Variants in VDAC1 observed in about 807,000 individuals in gnomAD.
The protein encoded by VDAC1 is non-selective voltage-gated ion channel VDAC1.
VDAC1 carries 10 observed loss-of-function variants against 34.7 expected under a neutral mutation model. The ratio of observed to expected loss-of-function variants is 0.29; its 90% confidence interval spans 0.18 to 0.49. The LOEUF is 0.49. Ranked by LOEUF, VDAC1 falls within the 20% of genes least tolerant of loss-of-function variation. The probability of loss-of-function intolerance (pLI) is 0.99; values close to 1 mark genes in which losing one functional copy is unlikely to be tolerated. For synonymous variants in VDAC1, 130 were observed against 136.0 expected (o/e 0.96, Z 0.30); for missense variants, 230 against 347.9 (o/e 0.66, Z 2.69).
chr5:133,976,096 T>C, intron 6 of VDAC1, 75 bp from the exon 7 acceptor site: 1 of 1,583,212 alleles, frequency 6.3e-7, no homozygotes, highest in South Asian at 1.1e-5. Flanking sequence ...CACCCAAGTC[T>C]CCCAGAAGAC....
the VDAC1 span, among the ~76,000 whole-genome samples, chr5:134,010,983 G>A: frequency 1.9e-5 from 2 of 105,652 alleles, no homozygotes; most frequent in African/African-American, 3.5e-5. Context: ...TTTTTTTTTT[G>A]TAGGGGCACT....
At chr5:134,000,174 A>T (rs1054932824) in intron 1 of VDAC1, among the ~76,000 whole-genome samples, 2 of 152,122 alleles carry the variant, frequency 1.3e-5, no homozygotes, top group Non-Finnish European at 2.9e-5. Context: ...AACCCAGGGG[A>T]ACAGTTCCTG....
At chr5:133,973,456 T>G (rs1752373611) in intron 8 of VDAC1, among the ~76,000 whole-genome samples, 1 of 152,208 alleles carries the variant, frequency 6.6e-6, no homozygotes, top group Non-Finnish European at 1.5e-5. Flanking sequence ...TCTTTGTCTT[T>G]TTACAGTGGG....
At chr5:134,013,296 A>G in the VDAC1 span, among the ~76,000 whole-genome samples, 1 of 152,196 alleles carries the variant, frequency 6.6e-6, no homozygotes, top group Non-Finnish European at 1.5e-5. Context: ...TTAGCCTGGC[A>G]TGGTGGTGCA....
chr5:134,039,398 G>A, the VDAC1 span, among the ~76,000 whole-genome samples: 14 of 152,026 alleles, frequency 9.2e-5, no homozygotes, highest in African/African-American at 4.8e-5. Flanking sequence ...GCGCAATCTC[G>A]GCTCACTGTA....
At chr5:133,995,769 T>A (rs1753277303) in intron 1 of VDAC1, among the ~76,000 whole-genome samples, 1 of 152,182 alleles carries the variant, frequency 6.6e-6, no homozygotes, top group African/African-American at 2.4e-5. Flanking sequence ...TACACAGCTC[T>A]CGAACCCATT....
chr5:133,991,002 C>G lies in VDAC1; in HGVS notation c.270G>C (p.Gln90His). 6.2e-7 allele frequency: 1 copy of G among 1,614,094 alleles called. No homozygotes were observed. Among genetic ancestry groups the G allele is most frequent in the Non-Finnish European group, 8.5e-7 (1 of 1,179,978 alleles). ...TLGTEITVED[Q>H]LARGLKLTFD... ...CACATCTTTTCACAGCAGCCATTACCTGATCTTCCACAGTAATCTCGGTGC... is the reference window on the plus strand; with the variant it reads ...CACATCTTTTCACAGCAGCCATTACGTGATCTTCCACAGTAATCTCGGTGC... Residue 90 changes from glutamine to histidine, a missense_variant and splice_region_variant, in exon 4 of 9, where the codon CAG becomes CAC. Gln to His is a conservative substitution (Grantham distance 24, BLOSUM62 0). Transcript: ENST00000265333.
chr5:134,098,355 G>T, the VDAC1 span, among the ~76,000 whole-genome samples: 2 of 145,266 alleles, frequency 1.4e-5, no homozygotes, highest in African/African-American at 5.6e-5. Context: ...CCACCACCAT[G>T]CTGGGATTAC....
the VDAC1 span, among the ~76,000 whole-genome samples, chr5:134,083,250 A>G: frequency 0.75 from 111,313 of 147,856 alleles, 42,966 homozygotes; most frequent in Non-Finnish European, 0.87. Flanking sequence ...GTGCAGTGGC[A>G]CAATCTCAGC....
chr5:134,036,394 C>T, the VDAC1 span, among the ~76,000 whole-genome samples: 2 of 152,136 alleles, frequency 1.3e-5, no homozygotes, highest in Non-Finnish European at 2.9e-5. Flanking sequence ...CAAAATATAA[C>T]TGGCCAACAC....
chr5:134,034,151 T>G, the VDAC1 span, among the ~76,000 whole-genome samples: 1 of 150,518 alleles, frequency 6.6e-6, no homozygotes, highest in African/African-American at 2.5e-5. Flanking sequence ...GCACATGTTC[T>G]CAGGATCTCC....
chr5:133,987,273 A>C (rs1752939911), intron 5 of VDAC1, among the ~76,000 whole-genome samples: 1 of 152,102 alleles, frequency 6.6e-6, no homozygotes, highest in Admixed American at 6.6e-5. Flanking sequence ...AGGAGGGAGG[A>C]TCCCTTGAGC....
At chr5:133,984,594 T>C (rs1752838668) in intron 5 of VDAC1, among the ~76,000 whole-genome samples, 2 of 152,170 alleles carry the variant, frequency 1.3e-5, no homozygotes, top group Non-Finnish European at 2.9e-5. Context: ...AAGAATAGCC[T>C]AATACAGCCA....
rs1271299209 is a variant in VDAC1 at position 134,000,530 on chromosome 5, T to G, written c.-7+4365A>C. 2.6e-5 allele frequency among the ~76,000 whole-genome samples: 4 copies of G among 152,268 alleles called. No homozygotes were observed. In the East Asian group the frequency reaches 7.7e-4, roughly 29 times the overall value. On this transcript the variant is annotated intron_variant, in intron 1 of 8. Coordinates refer to ENST00000265333, the MANE Select transcript of VDAC1 (RefSeq NM_003374.3). ...CTGACCTAAGGCACCTCAAGTTCCCTGGAGCCTCACTGCTTGGCTTGACCA... is the reference window on the plus strand; with the variant it reads ...CTGACCTAAGGCACCTCAAGTTCCCGGGAGCCTCACTGCTTGGCTTGACCA...
the VDAC1 span, among the ~76,000 whole-genome samples, chr5:134,077,603 C>T: frequency 6.6e-6 from 1 of 152,200 alleles, no homozygotes; most frequent in Non-Finnish European, 1.5e-5. Flanking sequence ...GTGTGTCCAA[C>T]TCTGTTTAAG....
At chr5:134,043,823 G>A in the VDAC1 span, among the ~76,000 whole-genome samples, 2 of 152,196 alleles carry the variant, frequency 1.3e-5, no homozygotes, top group South Asian at 2.1e-4. Context: ...GTGAGCCACC[G>A]CGCCCAGCCT....
the VDAC1 span, among the ~76,000 whole-genome samples, chr5:134,042,489 G>T: frequency 6.6e-6 from 1 of 151,962 alleles, no homozygotes; most frequent in Non-Finnish European, 1.5e-5. Flanking sequence ...TTTTGGTTTT[G>T]TTTTTCTTTT....
At chr5:134,048,722 C>G in the VDAC1 span, among the ~76,000 whole-genome samples, 4 of 152,196 alleles carry the variant, frequency 2.6e-5, no homozygotes, top group Non-Finnish European at 2.9e-5. Context: ...CCTCCTAGCT[C>G]TTATCCCCCG....
the VDAC1 span, among the ~76,000 whole-genome samples, chr5:134,060,305 C>T: frequency 6.6e-6 from 1 of 151,938 alleles, no homozygotes; most frequent in Non-Finnish European, 1.5e-5. Context: ...ATCGACCACC[C>T]GTCCAATGCA....
Sources: gnomAD v4.1 joint callset for allele counts (sites outside exome capture counted in the v4.1 genomes callset) on GRCh38, gnomAD v4.1.1 for gene constraint, MANE v1.5 for transcripts, NCBI Gene and HGNC (gene_info 2026-07-23, HGNC 2026-07-21) for gene names.